The following C3orf20 variants were observed in gnomAD, a reference collection of about 807,000 sequenced individuals.
The protein encoded by C3orf20 is uncharacterized protein C3orf20.
A neutral mutation model predicts 88.3 loss-of-function variants in C3orf20; 76 were observed. The observed-to-expected ratio is 0.86, with a 90% CI of 0.72 to 1.04. The LOEUF (loss-of-function observed/expected upper bound fraction) is 1.04. Ranked by LOEUF, C3orf20 falls within the 50% of genes least tolerant of loss-of-function variation. The pLI is 0.00. For synonymous variants in C3orf20, 436 were observed against 437.4 expected, an observed-to-expected ratio of 1.00 and a Z score of 0.04; for missense variants, 1,056 against 1,123.3, an observed-to-expected ratio of 0.94 and a Z score of 0.86.
Position 14,760,606 on chromosome 3 carries a change from C to CTT in C3orf20, c.2352+628_2352+629dup, listed in dbSNP as rs33982218. ...TAACTACTGTGTAAGAGTCTGTCTT[C>CTT]TTTTTTTTTTTTTTTTTTTTTGAGA... On this transcript the variant is annotated intron_variant, in intron 14 of 16. Coordinates refer to ENST00000253697, the MANE Select transcript of C3orf20 (RefSeq NM_032137.5). Among the ~76,000 whole-genome samples, 710 of 97,752 alleles carry CTT rather than the reference C, an allele frequency of 7.3e-3. 21 individuals carry two copies. The highest frequency in any genetic ancestry group is 9.2e-3 in the African/African-American group (222 of 24,008). The allele number at this position is 97,752 out of a possible 152,430, so 64.1% of individuals were successfully genotyped here.
At chr3:14,696,084 A>T (rs1470719374) in intron 5 of C3orf20, among the ~76,000 whole-genome samples, 1 of 146,868 alleles carries the variant, frequency 6.8e-6, no homozygotes, top group African/African-American at 2.5e-5. Context: ...CTTTTACTGA[A>T]GGTGATTTTC....
chr3:14,755,970 A>C (rs2467476), intron 12 of C3orf20, among the ~76,000 whole-genome samples: 1,645 of 147,354 alleles, frequency 0.011, 16 homozygotes, highest in Non-Finnish European at 0.018. Flanking sequence ...CGGAGCTTAC[A>C]GTGAGCCGAG....
intron 1 of C3orf20, among the ~76,000 whole-genome samples, chr3:14,678,664 CT>C (rs1469898973): frequency 6.6e-6 from 1 of 152,166 alleles, no homozygotes; most frequent in African/African-American, 2.4e-5. Context: ...CATCTTGAAG[CT>C]TTGTTTATAG....
At chr3:14,693,128 T>C (rs2032814256) in intron 5 of C3orf20, among the ~76,000 whole-genome samples, 1 of 152,252 alleles carries the variant, frequency 6.6e-6, no homozygotes, top group Non-Finnish European at 1.5e-5. Context: ...ACTATAGCTC[T>C]GTTGTATAAT....
chr3:14,694,093 A>G (rs1318922852), intron 5 of C3orf20, among the ~76,000 whole-genome samples: 2 of 152,084 alleles, frequency 1.3e-5, no homozygotes, highest in African/African-American at 2.4e-5. Flanking sequence ...GTTGAATTCA[A>G]TTTGCTAGTA....
At chr3:14,685,616 A>G (rs960272506) in intron 4 of C3orf20, among the ~76,000 whole-genome samples, 3 of 151,862 alleles carry the variant, frequency 2.0e-5, no homozygotes, top group South Asian at 2.1e-4. Flanking sequence ...TCCACAATTC[A>G]TTCCTCTTAT....
Position 14,684,319 on chromosome 3 carries a change from G to A in C3orf20, c.562G>A (p.Ala188Thr), listed in dbSNP as rs199529759. Residue 188 changes from alanine to threonine, a missense_variant, in exon 4 of 17, where the codon GCC becomes ACC. Physicochemically the swap from Ala to Thr is moderately conservative, Grantham distance 58. Coordinates refer to ENST00000253697, the MANE Select transcript of C3orf20 (RefSeq NM_032137.5). ...QLLHLNAKEM[A>T]FNCLISTAGR... ...CCTCCACCTCAATGCCAAGGAGATG[G>A]CCTTCAACTGCCTGATCAGCACAGC... The A allele has an allele frequency of 2.5e-6, 4 of 1,614,202 alleles. No homozygotes were observed. The Admixed American group carries it at 6.7e-5, about 27-fold the overall frequency.
At chr3:14,742,582 C>A (rs1354412641) in intron 12 of C3orf20, among the ~76,000 whole-genome samples, 1 of 152,144 alleles carries the variant, frequency 6.6e-6, no homozygotes, top group East Asian at 1.9e-4. Context: ...TGAGAATTGG[C>A]CTCTTTAGGA....
At chr3:14,726,723 C>A (rs1305670223) in intron 10 of C3orf20, among the ~76,000 whole-genome samples, 178 bp from the exon 11 acceptor site, 1 of 152,162 alleles carries the variant, frequency 6.6e-6, no homozygotes, top group African/African-American at 2.4e-5. Flanking sequence ...TGAGTCAGGC[C>A]TGGGTCTGTG....
intron 9 of C3orf20, among the ~76,000 whole-genome samples, chr3:14,718,939 A>G (rs12489860): frequency 0.85 from 130,054 of 152,146 alleles, 55,707 homozygotes; most frequent in Non-Finnish European, 0.89. Context: ...TCCTGTGACT[A>G]TGGTTGCTCC....
chr3:14,721,508 G>A (rs2034158097), intron 9 of C3orf20, 145 bp from the exon 10 acceptor site: 3 of 1,184,318 alleles, frequency 2.5e-6, no homozygotes, highest in Non-Finnish European at 1.2e-6. Flanking sequence ...TCTCCATGAA[G>A]CGGAATTCTA....
Position 14,686,371 on chromosome 3 carries a change from A to G in C3orf20, c.625+1989A>G, listed in dbSNP as rs147446217. On this transcript the variant is annotated intron_variant, in intron 4 of 16. Coordinates refer to ENST00000253697, the MANE Select transcript of C3orf20 (RefSeq NM_032137.5). Reference sequence around the variant, plus strand: ...TACCCAGAAGTGGAATTGCTGGATCATATGGTAGTTCCATTTTTAAATTTC... The same window carrying G: ...TACCCAGAAGTGGAATTGCTGGATCGTATGGTAGTTCCATTTTTAAATTTC... 1.5e-4 allele frequency among the ~76,000 whole-genome samples: 23 copies of G among 152,348 alleles called. 1 individual carries two copies. Among genetic ancestry groups the G allele is most frequent in the African/African-American group, 5.1e-4 (21 of 41,574 alleles).
At chr3:14,769,391 C>G (rs1008237189) in intron 15 of C3orf20, among the ~76,000 whole-genome samples, 4 of 151,922 alleles carry the variant, frequency 2.6e-5, no homozygotes, top group East Asian at 3.9e-4. Flanking sequence ...GGGGAGCCAC[C>G]AAGACAGGCT....
chr3:14,760,142 C>G, intron 14 of C3orf20, 144 bp downstream of exon 14: 1 of 694,344 alleles, frequency 1.4e-6, no homozygotes, highest in Non-Finnish European at 2.5e-6. Context: ...GTGGCTGAGG[C>G]CCAGAGAGCA....
At chr3:14,764,480 T>TTTACTATTA (rs1553618273) in intron 15 of C3orf20, among the ~76,000 whole-genome samples, 1 of 148,746 alleles carries the variant, frequency 6.7e-6, no homozygotes. Flanking sequence ...AACACAATCG[T>TTTACTATTA]TTATTATTAT....
At chr3:14,771,619 C>A (rs2035860032) in intron 15 of C3orf20, among the ~76,000 whole-genome samples, 1 of 152,234 alleles carries the variant, frequency 6.6e-6, no homozygotes, top group African/African-American at 2.4e-5. Context: ...ATGGCCTCAT[C>A]TTAACTAATG....
At chr3:14,746,883 G>A (rs1229504186) in intron 12 of C3orf20, among the ~76,000 whole-genome samples, 2 of 152,226 alleles carry the variant, frequency 1.3e-5, no homozygotes, top group Non-Finnish European at 2.9e-5. Flanking sequence ...AGAGCTTAAA[G>A]CTCATAATAC....
chr3:14,683,233 C>T lies in C3orf20; in HGVS notation c.484+36C>T, dbSNP rs781161359. 84 of 1,530,086 alleles carry T rather than the reference C, an allele frequency of 5.5e-5. 3 individuals carry two copies. In the Middle Eastern group the frequency reaches 6.1e-4, roughly 11 times the overall value. The allele number at this position is 1,530,086 out of a possible 1,614,324, so 94.8% of individuals were successfully genotyped here. ...GATGTTTGTGTATGTGCCCACCACA[C>T]CCACTACAGACGGGCGTCTCAGAGG... is the stretch of plus-strand genomic sequence containing the variant. On this transcript the variant is annotated intron_variant, in intron 3 of 16. Coordinates refer to ENST00000253697, the MANE Select transcript of C3orf20 (RefSeq NM_032137.5).
At chr3:14,691,629 T>C (rs1197334839) in intron 5 of C3orf20, among the ~76,000 whole-genome samples, 9 of 152,192 alleles carry the variant, frequency 5.9e-5, no homozygotes, top group African/African-American at 1.9e-4. Context: ...TTTTTAATTT[T>C]AAATTTTTGT....
Sources: allele counts gnomAD v4.1 joint callset (sites outside exome capture counted in the v4.1 genomes callset), GRCh38; gene constraint gnomAD v4.1.1; transcripts MANE v1.5; gene names NCBI Gene and HGNC (gene_info 2026-07-23, HGNC 2026-07-21).